CACNA1D: variants seen among roughly 807,000 people sequenced by gnomAD.
The protein encoded by CACNA1D is calcium voltage-gated channel subunit alpha1 D, also known as voltage-dependent L-type calcium channel subunit alpha-1D.
In CACNA1D, 55 loss-of-function variants were observed where a neutral mutation model predicts 257.1. The observed-to-expected ratio is 0.21, with a 90% confidence interval of 0.17 to 0.27. The LOEUF (loss-of-function observed/expected upper bound fraction) is 0.27. CACNA1D is among the 10% of genes least tolerant of loss of function. CACNA1D has a pLI of 1.00. For missense variants in CACNA1D, 1,876 were observed against 2,784.0 expected (o/e 0.67, Z 7.34); for synonymous variants, 980 against 1,014.9 (o/e 0.97, Z 0.65).
At position 53,801,186 on chromosome 3, in the gene CACNA1D, T is replaced by C. The variant is rs765497476; in HGVS notation, c.5169T>C (p.Asp1723=). ...VQRPSIPPAS[D]TEKPLFPPAG... is the part of the protein sequence containing the mutation. The stretch of plus-strand genomic sequence containing the variant: ...GGCCTTCAATTCCACCTGCAAGTGA[T>C]ACTGAGAAACCGCTGTTTCCTCCAG... The change falls in exon 42 of 48, where the codon GAT becomes GAC. Residue 1723 remains aspartate, a synonymous_variant. Coordinates refer to ENST00000350061, the MANE Select transcript of CACNA1D (RefSeq NM_001128840.3). The C allele has an allele frequency of 5.6e-6, 9 of 1,613,858 alleles. No homozygotes were observed. Among genetic ancestry groups the C allele is most frequent in the Non-Finnish European group, 7.6e-6 (9 of 1,179,920 alleles).
At chr3:53,562,380 C>T in intron 3 of CACNA1D, among the ~76,000 whole-genome samples, 1 of 152,186 alleles carries the variant, frequency 6.6e-6, no homozygotes, top group East Asian at 1.9e-4. Flanking sequence ...CAGATACAGT[C>T]CATATTCTCT....
chr3:53,714,121 A>T (rs1254781946), intron 9 of CACNA1D, among the ~76,000 whole-genome samples: 2 of 152,250 alleles, frequency 1.3e-5, no homozygotes. Flanking sequence ...TATATAAAAA[A>T]TAAACTTCTC....
intron 38 of CACNA1D, 62 bp from the exon 39 acceptor site, chr3:53,781,504 C>T (rs1576647027): frequency 2.3e-5 from 25 of 1,094,066 alleles, no homozygotes; most frequent in African/African-American, 6.2e-5. Context: ...GCTGTGCAAG[C>T]AGAGGAGGAG....
At position 53,811,284 on chromosome 3, in the gene CACNA1D, C is replaced by T; in HGVS notation, c.6364C>T (p.Leu2122Phe). The part of the protein sequence containing the change: ...RPRANGDVGP[L>F]SHRQDYELQD... ...CCGAGCCAACGGGGATGTGGGCCCC[C>T]TCTCACACCGGCAGGACTATGAGCT... The change falls in exon 48 of 48, where the codon CTC (leucine) becomes TTC (phenylalanine). Residue 2122 changes from leucine to phenylalanine, a missense_variant. Leu to Phe is a conservative substitution (Grantham distance 22, BLOSUM62 0). Around this residue, in one of 10 missense-constraint regions of CACNA1D, gnomAD observed 491 missense variants for 554.3 expected, o/e 0.89. Transcript: ENST00000350061. This position sits in a 1 kb window ranked among gnomAD's most constrained non-coding sequence, Gnocchi z 4.2. 1.2e-6 allele frequency: 2 copies of T among 1,613,920 alleles called. No individual in the cohort carries two copies. Among genetic ancestry groups the T allele is most frequent in the Non-Finnish European group, 1.7e-6 (2 of 1,180,022 alleles).
intron 3 of CACNA1D, among the ~76,000 whole-genome samples, chr3:53,559,947 C>G (rs548530522): frequency 1.4e-5 from 2 of 147,144 alleles, no homozygotes; most frequent in African/African-American, 5.0e-5. Context: ...TTTTAGGTAC[C>G]TGCTCCGCCT....
chr3:53,735,809 C>T (rs2095051546), intron 20 of CACNA1D, among the ~76,000 whole-genome samples: 2 of 152,218 alleles, frequency 1.3e-5, no homozygotes, highest in African/African-American at 2.4e-5. Flanking sequence ...TCCTCCTTTC[C>T]CTCCCTGCTC....
chr3:53,794,126 T>G (rs1331415450), intron 40 of CACNA1D, among the ~76,000 whole-genome samples: 1 of 152,214 alleles, frequency 6.6e-6, no homozygotes, highest in African/African-American at 2.4e-5. Flanking sequence ...CCTTTGAGAA[T>G]AATAATTATG....
At chr3:53,749,107 G>A (rs774442425) in intron 26 of CACNA1D, 161 bp from the exon 27 acceptor site, 12 of 705,970 alleles carry the variant, frequency 1.7e-5, no homozygotes, top group Non-Finnish European at 2.9e-5. Context: ...TTGGGCCTGA[G>A]GCTGATGGGA....
At chr3:53,618,477 C>T (rs1406946765) in intron 3 of CACNA1D, among the ~76,000 whole-genome samples, 1 of 152,226 alleles carries the variant, frequency 6.6e-6, no homozygotes, top group Non-Finnish European at 1.5e-5. Context: ...GGTCTGTCCA[C>T]TGCTCAGAAA....
chr3:53,801,368 G>C lies in CACNA1D; in HGVS notation c.5351G>C (p.Gly1784Ala). The change falls in exon 42 of 48, where the codon GGG becomes GCG. Residue 1784 changes from glycine (G) to alanine (A), a missense_variant. By Grantham distance (60) the Gly-to-Ala change is moderately conservative (BLOSUM62 0). Coordinates refer to ENST00000350061, the MANE Select transcript of CACNA1D (RefSeq NM_001128840.3). Reference protein sequence around the residue: ...IGNLEHVSENGHHSSHKHDRE... With the variant: ...IGNLEHVSENAHHSSHKHDRE... The stretch of plus-strand genomic sequence containing the variant: ...AACCTTGAGCATGTGTCTGAAAATG[G>C]GCATCATTCTTCCCACAAGCATGAC... 6.2e-7 allele frequency: 1 copy of C among 1,614,108 alleles called. No homozygotes were observed.
chr3:53,808,479 A>G (rs558012496), intron 45 of CACNA1D, 170 bp from the exon 46 acceptor site: 11 of 722,506 alleles, frequency 1.5e-5, no homozygotes, highest in Admixed American at 2.1e-5. Flanking sequence ...TTCTGCCTTC[A>G]TCCTCTCCTA....
chr3:53,757,399 A>G (rs1457890984), intron 29 of CACNA1D, among the ~76,000 whole-genome samples: 1 of 152,156 alleles, frequency 6.6e-6, no homozygotes, highest in Non-Finnish European at 1.5e-5. Flanking sequence ...TTGCCTGGTA[A>G]GATGCATACA....
At chr3:53,745,345 A>G (rs1269584787) in intron 23 of CACNA1D, among the ~76,000 whole-genome samples, 1 of 151,756 alleles carries the variant, frequency 6.6e-6, no homozygotes, top group African/African-American at 2.4e-5. Flanking sequence ...GGGTCAAGCA[A>G]TTCCCCTGCC....
intron 8 of CACNA1D, among the ~76,000 whole-genome samples, chr3:53,686,342 G>C (rs2094473278): frequency 6.6e-6 from 1 of 151,914 alleles, no homozygotes; most frequent in Non-Finnish European, 1.5e-5. Context: ...AAAGTTGGAG[G>C]GAGCATTTCC....
chr3:53,660,970 G>C (rs1319230567), intron 5 of CACNA1D, among the ~76,000 whole-genome samples: 1 of 152,240 alleles, frequency 6.6e-6, no homozygotes, highest in African/African-American at 2.4e-5. Context: ...CCAGGCCCCA[G>C]TGTGCTTCTG....
At chr3:53,598,679 C>T (rs900888732) in intron 3 of CACNA1D, among the ~76,000 whole-genome samples, 1 of 152,118 alleles carries the variant, frequency 6.6e-6, no homozygotes, top group African/African-American at 2.4e-5. Flanking sequence ...CTTACTGCTA[C>T]TTCTACACAA....
chr3:53,726,519 C>A (rs2094936403), intron 14 of CACNA1D, among the ~76,000 whole-genome samples: 1 of 152,106 alleles, frequency 6.6e-6, no homozygotes, highest in Non-Finnish European at 1.5e-5. Context: ...CACCTGTAAT[C>A]CCAGCTACTT....
chr3:53,806,648 G>A (rs1024447716), intron 45 of CACNA1D, among the ~76,000 whole-genome samples: 8 of 152,250 alleles, frequency 5.3e-5, no homozygotes, highest in East Asian at 3.9e-4. Context: ...GTGACACATC[G>A]GCTTCTGAGT....
rs570614456 is a variant in CACNA1D, at chr3:53,495,982, C to A, written c.67+749C>A. The stretch of plus-strand genomic sequence containing the variant: ...TTTGGAGACCGCCAGTGCCCCCCAA[C>A]CCCTGTCGGCTGGAAGCCTTTCCGG... On this transcript the variant is annotated intron_variant, in intron 1 of 47. Transcript: ENST00000350061. This position sits in a 1 kb window ranked among gnomAD's most constrained non-coding sequence, Gnocchi z 5.1. 6.6e-6 allele frequency among the ~76,000 whole-genome samples: 1 copy of A among 152,236 alleles called. No individual in the cohort carries two copies. Among genetic ancestry groups the A allele is most frequent in the Non-Finnish European group, 1.5e-5 (1 of 68,038 alleles).
Sources: allele counts gnomAD v4.1 joint callset (sites outside exome capture counted in the v4.1 genomes callset), GRCh38; gene constraint gnomAD v4.1.1; regional missense constraint gnomAD v4.1.1; non-coding constraint Gnocchi (gnomAD v3.1); transcripts MANE v1.5; gene names NCBI Gene and HGNC (gene_info 2026-07-23, HGNC 2026-07-21).